Variants in NHSL2 observed in about 807,000 individuals in gnomAD.
NHSL2 encodes the protein NHS-like protein 2.
A neutral mutation model predicts 53.4 loss-of-function variants in NHSL2; 27 were observed. That is an observed-to-expected ratio of 0.51 (90% CI 0.37 to 0.70). The LOEUF is 0.70. NHSL2 is among the 30% of genes least tolerant of loss of function. NHSL2 has a pLI of 0.00. For missense variants in NHSL2, 892 were observed against 980.1 expected, an observed-to-expected ratio of 0.91 and a Z score of 1.20; for synonymous variants, 408 against 404.1, an observed-to-expected ratio of 1.01 and a Z score of -0.12.
At position 71,911,333 on chromosome X, in the gene NHSL2, C is replaced by A; in HGVS notation, c.246C>A (p.Arg82=). The A allele has an allele frequency of 9.0e-7, 1 of 1,110,072 alleles. No individual in the cohort carries two copies. The highest frequency in any genetic ancestry group is 2.1e-5 in the South Asian group (1 of 46,864). 91.5% of individuals were successfully genotyped at this position (1,110,072 alleles called of 1,213,427 possible). The change falls in exon 1 of 8, where the codon CGC becomes CGA. Residue 82 remains arginine, a synonymous_variant. Transcript: ENST00000633930. ...TVRLRRRLPC[R]LLGPEEDEEE... Reference sequence around the variant, plus strand: ...GCCTCCGCCGCCGCCTTCCCTGCCGCCTGCTTGGCCCGGAGGAGGACGAGG... The same window carrying A: ...GCCTCCGCCGCCGCCTTCCCTGCCGACTGCTTGGCCCGGAGGAGGACGAGG...
rs146621888 is a variant in NHSL2, at chrX:71,993,523, G to A, written c.280+82156G>A. ...CACAAGGAGAGCTCTTGAGTACCCT[G>A]GAGGGTCTGAGGTAGACATGATGGT... On this transcript the variant is annotated intron_variant, in intron 1 of 7. Coordinates refer to ENST00000633930, the MANE Select transcript of NHSL2 (RefSeq NM_001013627.3). Among the ~76,000 whole-genome samples the A allele has an allele frequency of 2.4e-3, 265 of 111,749 alleles. 1 individual carries two copies. The highest frequency in any genetic ancestry group is 8.1e-3 in the African/African-American group (249 of 30,637).
intron 1 of NHSL2, among the ~76,000 whole-genome samples, chrX:72,089,281 G>C (rs2041876691): frequency 9.0e-6 from 1 of 110,578 alleles, no homozygotes; most frequent in Admixed American, 9.6e-5. Context: ...TTGTGGAAGT[G>C]CTTCGTAAAC....
intron 1 of NHSL2, among the ~76,000 whole-genome samples, chrX:72,097,380 G>A (rs1569479709): frequency 8.9e-6 from 1 of 111,841 alleles, no homozygotes; most frequent in African/African-American, 3.3e-5. Flanking sequence ...CTGACTCCCC[G>A]TCCAGTGTTC....
At chrX:71,984,695 A>G (rs188574727) in intron 1 of NHSL2, among the ~76,000 whole-genome samples, 519 of 112,700 alleles carry the variant, frequency 4.6e-3, no homozygotes, top group Non-Finnish European at 6.9e-3. Context: ...CATTTTTACT[A>G]AAGGTAAATC....
chrX:72,106,213 A>T (rs1020463128), intron 1 of NHSL2, among the ~76,000 whole-genome samples: 2 of 110,934 alleles, frequency 1.8e-5, no homozygotes, highest in African/African-American at 6.6e-5. Flanking sequence ...TGTCTAAAAA[A>T]AAAAAAGAAA....
chrX:72,002,970 A>G (rs1246170032), intron 1 of NHSL2, among the ~76,000 whole-genome samples: 2 of 111,065 alleles, frequency 1.8e-5, no homozygotes, highest in Non-Finnish European at 3.8e-5. Context: ...AGTCACATTC[A>G]ATTGACAGAG....
chrX:71,925,997 G>A (rs1361277423), intron 1 of NHSL2, among the ~76,000 whole-genome samples: 1 of 111,099 alleles, frequency 9.0e-6, no homozygotes, highest in African/African-American at 3.3e-5. Flanking sequence ...TCTGATGGAG[G>A]GCTTTCTAGT....
chrX:72,009,040 A>G (rs908369713), intron 1 of NHSL2, among the ~76,000 whole-genome samples: 1 of 112,383 alleles, frequency 8.9e-6, no homozygotes, highest in Non-Finnish European at 1.9e-5. Flanking sequence ...ATGATCTCCT[A>G]CAAATCCCAT....
At position 72,140,407 on chromosome X, in the gene NHSL2, C is replaced by G. The variant is rs1427532897; in HGVS notation, c.2859C>G (p.Ala953=). 2.5e-6 allele frequency: 3 copies of G among 1,208,299 alleles called. No individual in the cohort carries two copies. The highest frequency in any genetic ancestry group is 2.2e-6 in the Non-Finnish European group (2 of 894,275). Residue 953 remains alanine (A), a synonymous_variant, in exon 6 of 8, where the codon GCC becomes GCG. Transcript: ENST00000633930. ...CATCTCTTGTTTTCACGCCTTTTGC[C>G]AGTTCCTCTGATGCTTTCTTCTCAG... ...APSSLVFTPF[A]SSSDAFFSGT...
rs779125381 is a variant in NHSL2 at position 72,005,142 on chromosome X, C to T, written c.280+93775C>T. Among the ~76,000 whole-genome samples, 3 of 112,236 alleles carry T rather than the reference C, an allele frequency of 2.7e-5. No homozygotes were observed. In the East Asian group the frequency reaches 8.4e-4, roughly 31 times the overall value. On this transcript the variant is annotated intron_variant, in intron 1 of 7. Coordinates refer to ENST00000633930, the MANE Select transcript of NHSL2 (RefSeq NM_001013627.3). ...TATCTATATTAATTTTTTTAAACAA[C>T]TTTTGTAGAGACAGAGGTCTCTCTT...
At position 72,121,147 on chromosome X, in the gene NHSL2, T is replaced by C. The variant is rs1480300112; in HGVS notation, c.281-10932T>C. 2.7e-5 allele frequency among the ~76,000 whole-genome samples: 3 copies of C among 111,943 alleles called. No homozygotes were observed. The Admixed American group carries it at 2.8e-4, about 11-fold the overall frequency. The stretch of plus-strand genomic sequence containing the variant: ...TGGTCACGGCACCCAGGACTGTGCT[T>C]CTCTATTTGGCAGGGACTCAGCTGA... On this transcript the variant is annotated intron_variant, in intron 1 of 7. Coordinates refer to ENST00000633930, the MANE Select transcript of NHSL2 (RefSeq NM_001013627.3).
rs1258896128 is a variant in NHSL2 at position 71,974,019 on chromosome X, A to G, written c.280+62652A>G. 4.5e-5 allele frequency among the ~76,000 whole-genome samples: 5 copies of G among 112,242 alleles called. No individual in the cohort carries two copies. The East Asian group carries it at 1.4e-3, about 31-fold the overall frequency. On this transcript the variant is annotated intron_variant, in intron 1 of 7. Coordinates refer to ENST00000633930, the MANE Select transcript of NHSL2 (RefSeq NM_001013627.3). Reference sequence around the variant, plus strand: ...TCATGGCTCAGATGTCACAGACTGTATCTGTTCTTACCAATATTTAGTAGA... The same window carrying G: ...TCATGGCTCAGATGTCACAGACTGTGTCTGTTCTTACCAATATTTAGTAGA...
intron 1 of NHSL2, among the ~76,000 whole-genome samples, chrX:72,067,678 A>G (rs986917937): frequency 2.7e-5 from 3 of 112,005 alleles, no homozygotes; most frequent in Non-Finnish European, 5.6e-5. Context: ...CTGGCCCTTC[A>G]TGCTTGCTCT....
At chrX:71,952,232 T>G (rs754284747) in intron 1 of NHSL2, among the ~76,000 whole-genome samples, 1 of 112,218 alleles carries the variant, frequency 8.9e-6, no homozygotes, top group South Asian at 3.7e-4. Context: ...CTAAAAATGC[T>G]ATCTAGGGAT....
chrX:71,992,626 A>C (rs1034889534), intron 1 of NHSL2, among the ~76,000 whole-genome samples: 5 of 112,513 alleles, frequency 4.4e-5, no homozygotes, highest in Non-Finnish European at 9.4e-5. Flanking sequence ...AAAGCCCTGG[A>C]GAAGCAATTT....
intron 5 of NHSL2, 42 bp downstream of exon 5, chrX:72,137,267 C>T (rs1043321892): frequency 9.1e-7 from 1 of 1,102,658 alleles, no homozygotes; most frequent in Non-Finnish European, 1.2e-6. Context: ...TTCCCCTTAC[C>T]CACTCCTGCC....
At chrX:71,919,150 T>C in intron 1 of NHSL2, among the ~76,000 whole-genome samples, 1 of 111,926 alleles carries the variant, frequency 8.9e-6, no homozygotes, top group Non-Finnish European at 1.9e-5. Context: ...ATTTCCCCAA[T>C]CAACATCTAT....
intron 1 of NHSL2, among the ~76,000 whole-genome samples, chrX:71,938,807 G>A (rs1057338282): frequency 1.8e-5 from 2 of 112,819 alleles, no homozygotes; most frequent in African/African-American, 3.2e-5. Context: ...CTTAGCTTGA[G>A]AGCACAGGAC....
intron 1 of NHSL2, among the ~76,000 whole-genome samples, chrX:72,116,241 T>C (rs1454524827): frequency 8.9e-6 from 1 of 112,190 alleles, no homozygotes; most frequent in East Asian, 2.8e-4. Context: ...ATATAAATGT[T>C]AACAACTGTT....
Sources: allele counts gnomAD v4.1 joint callset (sites outside exome capture counted in the v4.1 genomes callset), GRCh38; gene constraint gnomAD v4.1.1; transcripts MANE v1.5; gene names NCBI Gene and HGNC (gene_info 2026-07-23, HGNC 2026-07-21).